CTNND2: variants seen among roughly 807,000 people sequenced by gnomAD.
The protein encoded by CTNND2 is catenin delta 2.
In CTNND2, 22 loss-of-function variants were observed where a neutral mutation model predicts 144.4. The observed-to-expected ratio is 0.15, with a 90% confidence interval of 0.11 to 0.22. The LOEUF (loss-of-function observed/expected upper bound fraction) is 0.22. CTNND2 is among the 10% of genes least tolerant of loss of function. The pLI is 1.00. For synonymous variants in CTNND2, 751 were observed against 695.6 expected, an observed-to-expected ratio of 1.08 and a Z score of -1.25; for missense variants, 1,353 against 1,618.8, an observed-to-expected ratio of 0.84 and a Z score of 2.82.
intron 2 of CTNND2, among the ~76,000 whole-genome samples, chr5:11,573,685 CA>C (rs906352956): frequency 1.3e-5 from 2 of 152,154 alleles, no homozygotes; most frequent in African/African-American, 4.8e-5. Context: ...ATGTTTTCAA[CA>C]ACGACAGTGT....
At chr5:11,229,670 G>A (rs1046868612) in intron 10 of CTNND2, among the ~76,000 whole-genome samples, 105 of 140,402 alleles carry the variant, frequency 7.5e-4, no homozygotes, top group South Asian at 6.7e-3. Flanking sequence ...GTGTGTGTGT[G>A]TGTATATATA....
At chr5:11,606,527 C>T (rs1780054190) in intron 2 of CTNND2, among the ~76,000 whole-genome samples, 1 of 152,030 alleles carries the variant, frequency 6.6e-6, no homozygotes, top group Non-Finnish European at 1.5e-5. Flanking sequence ...GCTGGAAGAA[C>T]ATTTGGGGAG....
intron 9 of CTNND2, among the ~76,000 whole-genome samples, chr5:11,329,844 A>G (rs1403659135): frequency 6.6e-6 from 1 of 152,178 alleles, no homozygotes; most frequent in African/African-American, 2.4e-5. Flanking sequence ...GGTATCCAGC[A>G]CCGTGATCTG....
Position 11,385,103 on chromosome 5 carries a change from C to T in CTNND2, c.739G>A (p.Ala247Thr). The T allele has an allele frequency of 9.7e-7, 1 of 1,031,560 alleles. No homozygotes were observed. The highest frequency in any genetic ancestry group is 1.2e-6 in the Non-Finnish European group (1 of 862,420). 63.9% of individuals were successfully genotyped at this position (1,031,560 alleles called of 1,614,324 possible). The change falls in exon 7 of 22, where the codon GCC becomes ACC. Residue 247 changes from alanine to threonine, a missense_variant. This residue lies in a region of CTNND2 where 708 missense variants were observed against 706.4 expected (regional missense o/e 1.00). Coordinates refer to ENST00000304623, the MANE Select transcript of CTNND2 (RefSeq NM_001332.4). Reference sequence around the variant, plus strand: ...GAGTAGTAGAGCGCGGCGGCGGCGGCGGCGGGCGGCGCGTCGGGCAGGTGG... The same window carrying T: ...GAGTAGTAGAGCGCGGCGGCGGCGGTGGCGGGCGGCGCGTCGGGCAGGTGG... ...AFHLPDAPPA[A>T]AAAALYYSSS... is the part of the protein sequence containing the mutation.
At position 11,384,779 on chromosome 5, in the gene CTNND2, T is replaced by C. The variant is rs1301798822; in HGVS notation, c.1063A>G (p.Thr355Ala). 2 of 1,612,924 alleles carry C rather than the reference T, an allele frequency of 1.2e-6. No homozygotes were observed. The highest frequency in any genetic ancestry group is 1.7e-6 in the Non-Finnish European group (2 of 1,179,682). Reference protein sequence around the residue: ...PIHQLSSTIGTYATLSPTKRL... With the variant: ...PIHQLSSTIGAYATLSPTKRL... ...TTGGTGGGCGACAGGGTGGCGTACG[T>C]GCCGATGGTGGAGCTCAGCTGGTGG... The change falls in exon 7 of 22, where the codon ACG (threonine) becomes GCG (alanine). Residue 355 changes from threonine (T) to alanine (A), a missense_variant. Physicochemically the swap from Thr to Ala is moderately conservative, Grantham distance 58 (BLOSUM62 0). Around this residue, in one of 4 missense-constraint regions of CTNND2, gnomAD observed 708 missense variants for 706.4 expected, o/e 1.00. Transcript: ENST00000304623. This position sits in a 1 kb window ranked among gnomAD's most constrained non-coding sequence, Gnocchi z 5.2.
chr5:11,770,293 C>T (rs11957725), intron 1 of CTNND2, among the ~76,000 whole-genome samples: 3 of 151,954 alleles, frequency 2.0e-5, no homozygotes, highest in Non-Finnish European at 2.9e-5. Flanking sequence ...CTAACCTTAA[C>T]GTGAATACTC....
intron 8 of CTNND2, among the ~76,000 whole-genome samples, chr5:11,360,848 A>T (rs540200578): frequency 6.6e-6 from 1 of 152,322 alleles, no homozygotes; most frequent in South Asian, 2.1e-4. Context: ...CCGCCAGTAC[A>T]TCTAGCACAC....
intron 16 of CTNND2, among the ~76,000 whole-genome samples, chr5:11,039,638 A>T (rs1012018434): frequency 6.6e-6 from 1 of 152,200 alleles, no homozygotes; most frequent in Non-Finnish European, 1.5e-5. Context: ...AAAAAGAGAG[A>T]GAGAAGGAAT....
chr5:11,672,872 C>T (rs184491728), intron 2 of CTNND2, among the ~76,000 whole-genome samples: 1 of 152,280 alleles, frequency 6.6e-6, no homozygotes, highest in East Asian at 1.9e-4. Context: ...ATCCCCTGAC[C>T]CCTTGCACTT....
chr5:11,770,416 G>A (rs1358105081), intron 1 of CTNND2, among the ~76,000 whole-genome samples: 1 of 4,152 alleles, frequency 2.4e-4, no homozygotes, highest in African/African-American at 2.5e-4. Flanking sequence ...AAAAAGGAAA[G>A]AAGGAAGGAA....
chr5:11,807,735 C>T (rs1792084305), intron 1 of CTNND2, among the ~76,000 whole-genome samples: 1 of 152,134 alleles, frequency 6.6e-6, no homozygotes, highest in Admixed American at 6.6e-5. Context: ...TACTAAGACG[C>T]ACGGACAGAG....
chr5:11,308,532 A>G (rs1325172870), intron 9 of CTNND2, among the ~76,000 whole-genome samples: 2 of 152,368 alleles, frequency 1.3e-5, no homozygotes, highest in South Asian at 4.1e-4. Context: ...TGATTTGGGG[A>G]AAGTAGTGGG....
intron 9 of CTNND2, among the ~76,000 whole-genome samples, chr5:11,309,704 C>T (rs1268723277): frequency 6.6e-6 from 1 of 152,128 alleles, no homozygotes; most frequent in African/African-American, 2.4e-5. Context: ...GTGAGAAGGA[C>T]ATGAGATTTG....
intron 16 of CTNND2, among the ~76,000 whole-genome samples, chr5:11,029,287 A>G (rs769848558): frequency 2.0e-5 from 3 of 152,138 alleles, no homozygotes; most frequent in Non-Finnish European, 4.4e-5. Context: ...TATTTAAAGT[A>G]ATTACTCATA....
chr5:11,609,165 C>T (rs1431583197), intron 2 of CTNND2, among the ~76,000 whole-genome samples: 4 of 152,162 alleles, frequency 2.6e-5, no homozygotes, highest in Admixed American at 1.3e-4. Flanking sequence ...TTCCTTCATC[C>T]ATTCATCCCT....
intron 21 of CTNND2, among the ~76,000 whole-genome samples, chr5:10,979,001 T>C (rs1261513205): frequency 2.6e-5 from 4 of 152,170 alleles, no homozygotes; most frequent in Non-Finnish European, 5.9e-5. Flanking sequence ...CCCCTGGCCA[T>C]GTCAGGGCGT....
intron 18 of CTNND2, among the ~76,000 whole-genome samples, chr5:10,996,840 G>A (rs752283790): frequency 5.3e-5 from 8 of 151,946 alleles, no homozygotes; most frequent in Admixed American, 1.3e-4. Flanking sequence ...CTCTTGATCC[G>A]CCTGCCTCAG....
chr5:11,475,625 T>C (rs1303848524), intron 3 of CTNND2, among the ~76,000 whole-genome samples: 4 of 152,202 alleles, frequency 2.6e-5, no homozygotes, highest in Non-Finnish European at 4.4e-5. Flanking sequence ...AGAAGTCAAG[T>C]TGGTTTTATA....
intron 2 of CTNND2, among the ~76,000 whole-genome samples, chr5:11,620,802 G>A (rs576419985): frequency 6.6e-6 from 1 of 152,280 alleles, no homozygotes; most frequent in East Asian, 1.9e-4. Flanking sequence ...GTTCTTCCTA[G>A]TTCCAGGCAA....
Sources: allele counts gnomAD v4.1 joint callset (sites outside exome capture counted in the v4.1 genomes callset), GRCh38; gene constraint gnomAD v4.1.1; regional missense constraint gnomAD v4.1.1; non-coding constraint Gnocchi (gnomAD v3.1); transcripts MANE v1.5; gene names NCBI Gene and HGNC (gene_info 2026-07-23, HGNC 2026-07-21).